The following ACO1 variants were observed in gnomAD, a reference collection of about 807,000 sequenced individuals.
ACO1 encodes the protein aconitase 1.
A neutral mutation model predicts 105.1 loss-of-function variants in ACO1; 78 were observed. The ratio of observed to expected loss-of-function variants is 0.74; its 90% CI spans 0.62 to 0.90. The LOEUF (loss-of-function observed/expected upper bound fraction) is 0.90, where lower values mean the gene tolerates loss of function less well. ACO1 is among the 40% of genes least tolerant of loss of function. ACO1 has a pLI of 0.00. For synonymous variants in ACO1, 364 were observed against 397.4 expected (o/e 0.92, Z 1.00); for missense variants, 965 against 1,111.1 (o/e 0.87, Z 1.87).
chr9:32,419,550 T>A (rs955499413), intron 7 of ACO1, among the ~76,000 whole-genome samples: 1 of 152,268 alleles, frequency 6.6e-6, no homozygotes, highest in African/African-American at 2.4e-5. Context: ...GTAATATCTG[T>A]GGCTAAAGCC....
At chr9:32,443,901 G>A (rs7859209) in intron 19 of ACO1, among the ~76,000 whole-genome samples, 2,376 of 152,142 alleles carry the variant, frequency 0.016, 56 homozygotes, top group African/African-American at 0.055. Context: ...TACATGTGCC[G>A]TGGTGGTTTG....
At chr9:32,421,114 C>A (rs1474994829) in intron 8 of ACO1, 87 bp downstream of exon 8, 2 of 1,378,280 alleles carry the variant, frequency 1.5e-6, no homozygotes, top group Non-Finnish European at 1.0e-6. Context: ...TGCCTCTACC[C>A]AACAGAAGGC....
chr9:32,424,829 C>T (rs1006912107), intron 10 of ACO1, among the ~76,000 whole-genome samples, 164 bp downstream of exon 10: 4 of 152,202 alleles, frequency 2.6e-5, no homozygotes, highest in African/African-American at 9.7e-5. Flanking sequence ...CCATTAGTCA[C>T]GAGCCAAGCG....
rs779331219 is a variant in ACO1 at position 32,423,438 on chromosome 9, CTG to C, written c.1071+22_1071+23del. On this transcript the variant is annotated intron_variant, in intron 9 of 20. Coordinates refer to ENST00000309951, the MANE Select transcript of ACO1 (RefSeq NM_002197.3). The stretch of plus-strand genomic sequence containing the variant: ...CACCCAGGTATGAGAGTGCCTTCCA[CTG>C]TGCATGTATTTCCTCTTCCTCAAGG... The C allele has an allele frequency of 6.0e-6, 9 of 1,496,422 alleles. No homozygotes were observed. The highest frequency in any genetic ancestry group is 1.4e-5 in the African/African-American group (1 of 71,462). 92.7% of individuals were successfully genotyped at this position (1,496,422 alleles called of 1,614,324 possible). A position where few individuals can be genotyped will look rare whatever the true frequency, so the allele number is the denominator to read the frequency against.
chr9:32,448,468 G>A (rs1187737130), intron 19 of ACO1, among the ~76,000 whole-genome samples: 1 of 152,210 alleles, frequency 6.6e-6, no homozygotes, highest in African/African-American at 2.4e-5. Context: ...GCTCCTTGTG[G>A]GTGGGACCCA....
At chr9:32,396,728 C>G (rs890918567) in intron 1 of ACO1, among the ~76,000 whole-genome samples, 26 of 152,258 alleles carry the variant, frequency 1.7e-4, no homozygotes, top group Admixed American at 1.7e-3. Flanking sequence ...TTTAGTCTGT[C>G]TCCTTCCATT....
chr9:32,388,146 T>C (rs1353427519), intron 1 of ACO1, among the ~76,000 whole-genome samples: 1 of 152,228 alleles, frequency 6.6e-6, no homozygotes, highest in Non-Finnish European at 1.5e-5. Flanking sequence ...ACCTGCAGTC[T>C]AACCCGTTGT....
At chr9:32,440,078 C>T (rs553984061) in intron 18 of ACO1, among the ~76,000 whole-genome samples, 38 of 152,116 alleles carry the variant, frequency 2.5e-4, no homozygotes, top group Admixed American at 2.5e-3. Flanking sequence ...ACCAGTTTGG[C>T]CAACATGGTG....
chr9:32,387,002 T>TAAAG (rs1311580292), intron 1 of ACO1, among the ~76,000 whole-genome samples: 25 of 152,288 alleles, frequency 1.6e-4, no homozygotes, highest in Admixed American at 1.2e-3. Context: ...ACCCCCTACC[T>TAAAG]AAAGTGTGCT....
intron 8 of ACO1, among the ~76,000 whole-genome samples, chr9:32,422,423 G>C (rs1389436693): frequency 6.6e-6 from 1 of 152,146 alleles, no homozygotes; most frequent in Admixed American, 6.5e-5. Flanking sequence ...TCTTTTATGA[G>C]GTCTGTGCTG....
chr9:32,401,278 T>C (rs546269282), intron 1 of ACO1, among the ~76,000 whole-genome samples: 1 of 152,184 alleles, frequency 6.6e-6, no homozygotes, highest in Non-Finnish European at 1.5e-5. Flanking sequence ...ACCAAAAGAC[T>C]GTGATACACC....
chr9:32,408,667 G>A lies in ACO1; in HGVS notation c.404+16G>A, dbSNP rs935167801. The A allele has an allele frequency of 3.2e-5, 52 of 1,613,040 alleles. No homozygotes were observed. The highest frequency in any genetic ancestry group is 7.7e-5 in the South Asian group (7 of 90,934). On this transcript the variant is annotated intron_variant, in intron 4 of 20. Transcript: ENST00000309951. ...TCAACAGAAGGTGAGAGATTAAAAC[G>A]AATACCTGAGTGTTCTGCTTTGTGC...
chr9:32,446,875 T>C lies in ACO1; in HGVS notation c.2371-2021T>C, dbSNP rs188122990. Among the ~76,000 whole-genome samples the C allele has an allele frequency of 8.0e-4, 122 of 152,340 alleles. 1 individual carries two copies. Among genetic ancestry groups the C allele is most frequent in the Admixed American group, 7.3e-3 (111 of 15,302 alleles). ...GTTCGGCTGGATATGAAATTTTCGG[T>C]TGAAAATTCTTTAAGAATGTTGAAT... On this transcript the variant is annotated intron_variant, in intron 19 of 20. Transcript: ENST00000309951.
chr9:32,451,202 C>T lies in ACO1; in HGVS notation c.*1091C>T, dbSNP rs1822760995. On this transcript the variant is annotated 3_prime_UTR_variant, in exon 21 of 21. Coordinates refer to ENST00000309951, the MANE Select transcript of ACO1 (RefSeq NM_002197.3). ...GCTATAATGTAATGCCATAGACTGG[C>T]TGAAAGAACAGAAATGTATTTTCTC... 6.6e-6 allele frequency: 1 copy of T among 152,106 alleles called. No individual in the cohort carries two copies. Among genetic ancestry groups the T allele is most frequent in the African/African-American group, 2.4e-5 (1 of 41,404 alleles). 9.4% of individuals were successfully genotyped at this position (152,106 alleles called of 1,614,324 possible). A position where few individuals can be genotyped will look rare whatever the true frequency, so the allele number is the denominator to read the frequency against.
At chr9:32,407,577 T>G (rs1225308131) in intron 3 of ACO1, 148 bp downstream of exon 3, 4 of 775,594 alleles carry the variant, frequency 5.2e-6, no homozygotes, top group Non-Finnish European at 7.4e-6. Context: ...TCCAGACACT[T>G]TTGAAAGCTA....
intron 19 of ACO1, among the ~76,000 whole-genome samples, chr9:32,448,022 C>T (rs865974937): frequency 3.9e-5 from 6 of 152,090 alleles, no homozygotes; most frequent in Middle Eastern, 3.2e-3. Flanking sequence ...ACATGGGGGT[C>T]GGGGACCCAC....
chr9:32,430,454 A>G lies in ACO1; in HGVS notation c.1606A>G (p.Arg536Gly), dbSNP rs765245218. ...LVAVGVLSGN[R>G]NFEGRVHPNT... ...AGCTGTTGGAGTACTATCTGGAAACAGGAATTTTGAAGGTCGAGTTCACCC... is the reference window on the plus strand; with the variant it reads ...AGCTGTTGGAGTACTATCTGGAAACGGGAATTTTGAAGGTCGAGTTCACCC... Residue 536 changes from arginine (R) to glycine (G), a missense_variant, in exon 14 of 21, where the codon AGG (arginine) becomes GGG (glycine). Arg to Gly is a moderately radical substitution (Grantham distance 125). Coordinates refer to ENST00000309951, the MANE Select transcript of ACO1 (RefSeq NM_002197.3). The G allele has an allele frequency of 1.9e-6, 3 of 1,612,428 alleles. No homozygotes were observed. Among genetic ancestry groups the G allele is most frequent in the Non-Finnish European group, 1.7e-6 (2 of 1,179,420 alleles).
At chr9:32,432,529 C>G (rs893974766) in intron 15 of ACO1, among the ~76,000 whole-genome samples, 6 of 152,030 alleles carry the variant, frequency 3.9e-5, no homozygotes, top group Non-Finnish European at 5.9e-5. Flanking sequence ...TGTTAGGGAG[C>G]TTGGCAGGCA....
At chr9:32,447,269 C>T (rs1341549077) in intron 19 of ACO1, among the ~76,000 whole-genome samples, 1 of 152,152 alleles carries the variant, frequency 6.6e-6, no homozygotes, top group East Asian at 1.9e-4. Flanking sequence ...TGTTTCTTTT[C>T]ACTCTTTTTT....
Sources: gnomAD v4.1 joint callset for allele counts (sites outside exome capture counted in the v4.1 genomes callset) on GRCh38, gnomAD v4.1.1 for gene constraint, MANE v1.5 for transcripts, NCBI Gene and HGNC (gene_info 2026-07-23, HGNC 2026-07-21) for gene names.